BANK1: variants seen among roughly 807,000 people sequenced by gnomAD.
BANK1 encodes B-cell scaffold protein with ankyrin repeats.
A neutral mutation model predicts 94.5 loss-of-function variants in BANK1; 95 were observed. That is an observed-to-expected ratio of 1.00 (90% confidence interval 0.85 to 1.19). The LOEUF (loss-of-function observed/expected upper bound fraction) is 1.19. Among genes scored for constraint, BANK1 ranks in the 50% most tolerant of loss-of-function variants. BANK1 has a pLI of 0.00. For missense variants in BANK1, 987 were observed against 932.2 expected (o/e 1.06, Z -0.77); for synonymous variants, 334 against 308.4 (o/e 1.08, Z -0.87).
At chr4:101,826,293 G>A (rs1232283088) in intron 1 of BANK1, among the ~76,000 whole-genome samples, 1 of 151,948 alleles carries the variant, frequency 6.6e-6, no homozygotes, top group Non-Finnish European at 1.5e-5. Context: ...GTCCTTTGCT[G>A]TTAGAAGTTA....
chr4:101,991,963 G>GA (rs914701698), intron 7 of BANK1, among the ~76,000 whole-genome samples: 6 of 152,138 alleles, frequency 3.9e-5, no homozygotes, highest in African/African-American at 1.2e-4. Context: ...CCTGAAGCCT[G>GA]AGAGCAAATG....
intron 7 of BANK1, among the ~76,000 whole-genome samples, chr4:102,016,126 C>A (rs1726690818): frequency 6.6e-6 from 1 of 152,158 alleles, no homozygotes; most frequent in Non-Finnish European, 1.5e-5. Context: ...TTTTAAGACT[C>A]AGATTTAATA....
intron 7 of BANK1, among the ~76,000 whole-genome samples, chr4:101,963,712 C>T (rs1020247049): frequency 2.0e-5 from 3 of 152,090 alleles, no homozygotes; most frequent in African/African-American, 7.2e-5. Context: ...ACCATAAGCA[C>T]AACAGAAACA....
chr4:101,902,904 C>G (rs1332106903), intron 6 of BANK1, among the ~76,000 whole-genome samples: 1 of 152,232 alleles, frequency 6.6e-6, no homozygotes, highest in Non-Finnish European at 1.5e-5. Flanking sequence ...CTACTTCTAA[C>G]TGCTGTTTGC....
intron 2 of BANK1, 125 bp downstream of exon 2, chr4:101,830,331 AT>A: frequency 1.3e-6 from 1 of 760,636 alleles, no homozygotes; most frequent in Non-Finnish European, 2.0e-6. Context: ...ATGAGAGCTG[AT>A]TTTATTCAAC....
intron 6 of BANK1, among the ~76,000 whole-genome samples, chr4:101,909,573 G>A (rs751346205): frequency 2.0e-5 from 3 of 152,126 alleles, no homozygotes; most frequent in Admixed American, 2.0e-4. Context: ...CCTTTAAGCG[G>A]TTTTCTCCCC....
chr4:101,970,449 A>G (rs1349479649), intron 7 of BANK1, among the ~76,000 whole-genome samples: 8 of 152,012 alleles, frequency 5.3e-5, no homozygotes, highest in African/African-American at 1.7e-4. Context: ...GAAATCCCCA[A>G]TTTCTTTCAT....
chr4:101,877,214 A>G (rs1728523489), intron 5 of BANK1, among the ~76,000 whole-genome samples: 1 of 152,180 alleles, frequency 6.6e-6, no homozygotes, highest in Non-Finnish European at 1.5e-5. Flanking sequence ...ATAGAACAGC[A>G]AGCAGATTTA....
At chr4:101,940,938 G>C (rs1306514997) in intron 7 of BANK1, among the ~76,000 whole-genome samples, 1 of 151,686 alleles carries the variant, frequency 6.6e-6, no homozygotes, top group Non-Finnish European at 1.5e-5. Flanking sequence ...CACACTTAGG[G>C]AGTGGGGGTT....
chr4:102,039,986 T>C (rs1417694679), intron 10 of BANK1, among the ~76,000 whole-genome samples: 1 of 152,132 alleles, frequency 6.6e-6, no homozygotes, highest in African/African-American at 2.4e-5. Flanking sequence ...ATTCACAAAA[T>C]GAATGTTGTT....
chr4:101,924,469 T>A (rs974228356), intron 7 of BANK1, among the ~76,000 whole-genome samples: 1 of 151,730 alleles, frequency 6.6e-6, no homozygotes, highest in African/African-American at 2.4e-5. Flanking sequence ...CAGAATATAG[T>A]TTTTTAAAAG....
At chr4:102,037,785 A>G (rs913482225) in intron 10 of BANK1, among the ~76,000 whole-genome samples, 20 of 152,340 alleles carry the variant, frequency 1.3e-4, no homozygotes, top group African/African-American at 4.1e-4. Context: ...CTAAAACCAT[A>G]TATGTACAGT....
intron 7 of BANK1, among the ~76,000 whole-genome samples, chr4:101,966,167 G>C (rs1252270167): frequency 6.6e-6 from 1 of 152,000 alleles, no homozygotes; most frequent in Admixed American, 6.6e-5. Context: ...CACAGTATCT[G>C]TAACCATTTC....
chr4:102,070,261 T>C (rs1415002490), intron 13 of BANK1, among the ~76,000 whole-genome samples: 1 of 152,206 alleles, frequency 6.6e-6, no homozygotes. Flanking sequence ...ACTTCCAGCA[T>C]CTTGCACCCC....
intron 1 of BANK1, among the ~76,000 whole-genome samples, chr4:101,822,670 C>T (rs1356001849): frequency 4.0e-5 from 6 of 148,798 alleles, no homozygotes; most frequent in African/African-American, 1.5e-4. Context: ...GGCTGGAGTG[C>T]GGTGGTGCAA....
chr4:102,040,629 T>TA (rs924446921), intron 10 of BANK1, among the ~76,000 whole-genome samples: 5 of 152,052 alleles, frequency 3.3e-5, no homozygotes, highest in African/African-American at 1.2e-4. Context: ...CAATATATGA[T>TA]AAAAAATTAC....
intron 2 of BANK1, among the ~76,000 whole-genome samples, chr4:101,846,024 C>T (rs1727231301): frequency 1.3e-5 from 2 of 151,956 alleles, no homozygotes; most frequent in Admixed American, 1.3e-4. Context: ...CCTTCCCCCA[C>T]CCCACAACAG....
At chr4:101,852,540 C>A (rs1382807666) in intron 2 of BANK1, among the ~76,000 whole-genome samples, 1 of 137,856 alleles carries the variant, frequency 7.3e-6, no homozygotes, top group African/African-American at 2.7e-5. Context: ...TTCATTCAAG[C>A]CTATGTCTTT....
At chr4:101,830,234 A>T in intron 2 of BANK1, 28 bp downstream of exon 2, 1 of 1,397,760 alleles carries the variant, frequency 7.2e-7, no homozygotes. Context: ...TGTTTGTTTT[A>T]TTTTTATTTG....
Sources: allele counts gnomAD v4.1 joint callset (sites outside exome capture counted in the v4.1 genomes callset), GRCh38; gene constraint gnomAD v4.1.1; transcripts MANE v1.5; gene names NCBI Gene and HGNC (gene_info 2026-07-23, HGNC 2026-07-21).